The following KCTD16 variants were observed in gnomAD, a reference collection of about 807,000 sequenced individuals.
KCTD16 encodes potassium channel tetramerization domain containing 16, also known as BTB/POZ domain-containing protein KCTD16.
Under a neutral mutation model 33.2 loss-of-function variants are expected in KCTD16, and 13 were observed. The observed-to-expected ratio is 0.39, with a 90% CI of 0.25 to 0.62. KCTD16 has a LOEUF of 0.62. Ranked by LOEUF, KCTD16 falls within the 20% of genes least tolerant of loss-of-function variation. KCTD16 has a pLI of 0.50. For missense variants in KCTD16, 441 were observed against 525.1 expected (o/e 0.84, Z 1.57); for synonymous variants, 197 against 195.3 (o/e 1.01, Z -0.07).
chr5:144,361,249 G>A (rs1446546052), intron 3 of KCTD16, among the ~76,000 whole-genome samples: 1 of 152,120 alleles, frequency 6.6e-6, no homozygotes, highest in Non-Finnish European at 1.5e-5. Context: ...TGTCTTTATA[G>A]TAGAATGATT....
At chr5:144,284,605 GAC>G (rs1359632280) in intron 3 of KCTD16, among the ~76,000 whole-genome samples, 2 of 152,142 alleles carry the variant, frequency 1.3e-5, no homozygotes, top group African/African-American at 4.8e-5. Context: ...ATATACAAAA[GAC>G]AGTCCGTGCC....
At position 144,474,363 on chromosome 5, in the gene KCTD16, A is replaced by T; in HGVS notation, c.*249A>T. On this transcript the variant is annotated 3_prime_UTR_variant, in exon 4 of 4. Coordinates refer to ENST00000512467, the MANE Select transcript of KCTD16 (RefSeq NM_020768.4). ...GTTATTTGTTTGTTTACTTCGTCCCATGTGCTAACTATCTTATATATAATG... is the reference window on the plus strand; with the variant it reads ...GTTATTTGTTTGTTTACTTCGTCCCTTGTGCTAACTATCTTATATATAATG... 2.4e-6 allele frequency: 1 copy of T among 414,538 alleles called. No individual in the cohort carries two copies. The highest frequency in any genetic ancestry group is 4.4e-6 in the Non-Finnish European group (1 of 228,162). 25.7% of individuals were successfully genotyped at this position (414,538 alleles called of 1,614,324 possible).
At position 144,344,323 on chromosome 5, in the gene KCTD16, C is replaced by G. The variant is rs530806528; in HGVS notation, c.833-129337C>G. 8.4e-3 allele frequency among the ~76,000 whole-genome samples: 1,248 copies of G among 149,208 alleles called. 15 individuals carry two copies. The highest frequency in any genetic ancestry group is 0.03 in the African/African-American group (1,175 of 39,744). On this transcript the variant is annotated intron_variant, in intron 3 of 3. Coordinates refer to ENST00000512467, the MANE Select transcript of KCTD16 (RefSeq NM_020768.4). ...GGCAAGGACTTCATGTCTAAAACACCAAAAGCAATGGCAACAAAAGCCAAA... is the reference window on the plus strand; with the variant it reads ...GGCAAGGACTTCATGTCTAAAACACGAAAAGCAATGGCAACAAAAGCCAAA...
chr5:144,277,728 G>T (rs146467941), intron 3 of KCTD16, among the ~76,000 whole-genome samples: 2 of 152,316 alleles, frequency 1.3e-5, no homozygotes, highest in Non-Finnish European at 2.9e-5. Flanking sequence ...TTTAATAGGT[G>T]TGTAGTTATA....
intron 3 of KCTD16, among the ~76,000 whole-genome samples, chr5:144,230,560 G>C (rs949290416): frequency 6.6e-6 from 1 of 151,994 alleles, no homozygotes; most frequent in Non-Finnish European, 1.5e-5. Flanking sequence ...ATATTTCAAA[G>C]ATACTGTCTA....
At chr5:144,299,092 CTATG>C (rs1561558308) in intron 3 of KCTD16, among the ~76,000 whole-genome samples, 1 of 13,326 alleles carries the variant, frequency 7.5e-5, no homozygotes, top group Non-Finnish European at 1.2e-4. Flanking sequence ...ATATATATCA[CTATG>C]TATATATATA....
intron 3 of KCTD16, among the ~76,000 whole-genome samples, chr5:144,243,780 T>G (rs550816230): frequency 2.0e-5 from 3 of 152,282 alleles, no homozygotes. Context: ...AGTCTCGTTC[T>G]GTCACCAGGA....
chr5:144,380,878 A>G (rs1231123488), intron 3 of KCTD16, among the ~76,000 whole-genome samples: 1 of 152,168 alleles, frequency 6.6e-6, no homozygotes, highest in Non-Finnish European at 1.5e-5. Flanking sequence ...AAAACTTAGG[A>G]AATACCATTC....
chr5:144,259,822 T>C (rs1212471885), intron 3 of KCTD16, among the ~76,000 whole-genome samples: 3 of 152,206 alleles, frequency 2.0e-5, no homozygotes, highest in Non-Finnish European at 4.4e-5. Context: ...CCTGTGGCCA[T>C]CAAGAAGCCA....
intron 3 of KCTD16, chr5:144,385,149 T>C (rs1451829502): frequency 6.6e-6 from 1 of 152,206 alleles, no homozygotes; most frequent in Non-Finnish European, 1.5e-5. Flanking sequence ...CGAAAACTAT[T>C]TTCCTCTATT....
At chr5:144,355,732 C>G (rs889967752) in intron 3 of KCTD16, among the ~76,000 whole-genome samples, 7 of 152,096 alleles carry the variant, frequency 4.6e-5, no homozygotes, top group Non-Finnish European at 8.8e-5. Flanking sequence ...TCTGCTTCTC[C>G]CTTTGTTTTC....
At chr5:144,429,979 G>A (rs1294688947) in intron 3 of KCTD16, among the ~76,000 whole-genome samples, 1 of 152,020 alleles carries the variant, frequency 6.6e-6, no homozygotes, top group Non-Finnish European at 1.5e-5. Flanking sequence ...GAGCAGATAG[G>A]CCTAGCTTTT....
At chr5:144,417,428 A>G (rs1027360323) in intron 3 of KCTD16, among the ~76,000 whole-genome samples, 2 of 152,106 alleles carry the variant, frequency 1.3e-5, no homozygotes, top group Non-Finnish European at 2.9e-5. Context: ...CTTTGGAGAA[A>G]TGTCTAGTGA....
At chr5:144,285,663 A>G (rs1272534485) in intron 3 of KCTD16, among the ~76,000 whole-genome samples, 1 of 152,222 alleles carries the variant, frequency 6.6e-6, no homozygotes, top group Non-Finnish European at 1.5e-5. Flanking sequence ...TCACCCTACA[A>G]ATATGGAACT....
At chr5:144,456,728 A>AGAAT (rs1754072006) in intron 3 of KCTD16, among the ~76,000 whole-genome samples, 1 of 149,214 alleles carries the variant, frequency 6.7e-6, no homozygotes, top group African/African-American at 2.5e-5. Flanking sequence ...ATTTTGACAC[A>AGAAT]CTATCTTTGA....
intron 3 of KCTD16, among the ~76,000 whole-genome samples, chr5:144,252,663 G>A (rs898403521): frequency 1.3e-5 from 2 of 150,908 alleles, no homozygotes; most frequent in African/African-American, 4.9e-5. Context: ...ATTCCATTGA[G>A]TTAGTTGGAT....
intron 3 of KCTD16, among the ~76,000 whole-genome samples, chr5:144,330,589 T>A (rs931837386): frequency 1.3e-5 from 2 of 152,152 alleles, no homozygotes; most frequent in African/African-American, 4.8e-5. Flanking sequence ...ATTTAATTCC[T>A]ACTTCTTAAA....
chr5:144,271,950 C>CG (rs1755309786), intron 3 of KCTD16, among the ~76,000 whole-genome samples: 1 of 151,754 alleles, frequency 6.6e-6, no homozygotes, highest in Non-Finnish European at 1.5e-5. Flanking sequence ...TAGGAATCAA[C>CG]GTAACCAATG....
intron 3 of KCTD16, among the ~76,000 whole-genome samples, chr5:144,386,775 A>G (rs112512581): frequency 0.029 from 4,418 of 152,304 alleles, 207 homozygotes; most frequent in African/African-American, 0.1. Flanking sequence ...ACAAAAAAAC[A>G]AACAAAACAA....
Sources: gnomAD v4.1 joint callset for allele counts (sites outside exome capture counted in the v4.1 genomes callset) on GRCh38, gnomAD v4.1.1 for gene constraint, MANE v1.5 for transcripts, NCBI Gene and HGNC (gene_info 2026-07-23, HGNC 2026-07-21) for gene names.